ECT2: variants seen among roughly 807,000 people sequenced by gnomAD.
The protein encoded by ECT2 is protein ECT2.
A neutral mutation model predicts 116.9 loss-of-function variants in ECT2; 61 were observed. The observed-to-expected ratio is 0.52, with a 90% CI of 0.42 to 0.65. The LOEUF is 0.65. Ranked by LOEUF, ECT2 falls within the 30% of genes least tolerant of loss-of-function variation. ECT2 has a pLI of 0.00. For missense variants in ECT2, 937 were observed against 1,078.7 expected, an observed-to-expected ratio of 0.87 and a Z score of 1.84; for synonymous variants, 358 against 346.4, an observed-to-expected ratio of 1.03 and a Z score of -0.37.
At chr3:172,757,992 G>A (rs531303735) in intron 5 of ECT2, among the ~76,000 whole-genome samples, 5 of 151,996 alleles carry the variant, frequency 3.3e-5, no homozygotes, top group African/African-American at 9.7e-5. Context: ...CAAGTAGCTG[G>A]GACTGCAGGT....
rs1717946129 is a variant in ECT2, at chr3:172,760,178, A to G, written c.599A>G (p.His200Arg). ...EELVRLVTLV[H>R]HMGGVIRKDF... is the part of the protein sequence containing the mutation. Reference sequence around the variant, plus strand: ...GAGGTCAGGTTGGTGACATTGGTCCATCACATGGGTGGAGTTATTCGAAAA... The same window carrying G: ...GAGGTCAGGTTGGTGACATTGGTCCGTCACATGGGTGGAGTTATTCGAAAA... Residue 200 changes from histidine to arginine, a missense_variant, in exon 7 of 25, where the codon CAT (histidine) becomes CGT (arginine). By Grantham distance (29) the His-to-Arg change is conservative (BLOSUM62 0). Coordinates refer to ENST00000392692, the MANE Select transcript of ECT2 (RefSeq NM_001258315.2). 6.2e-7 allele frequency: 1 copy of G among 1,610,398 alleles called. No individual in the cohort carries two copies. Among genetic ancestry groups the G allele is most frequent in the Non-Finnish European group, 8.5e-7 (1 of 1,178,186 alleles).
In ECT2 at chr3:172,802,631, TAA is replaced by T. The variant is rs1409019342; in HGVS notation, c.1924_1925del (p.Lys642GlufsTer11). The T allele has an allele frequency of 6.3e-7, 1 of 1,591,192 alleles. No individual in the cohort carries two copies. The highest frequency in any genetic ancestry group is 8.6e-7 in the Non-Finnish European group (1 of 1,165,986). ...TATTTTTCAGGCATATTAATGAGGA[TAA>T]GAGAAAAACAGAAGCTCAAAAGCAA... Reference protein sequence around the residue: ...KEVMTHINEDKRKTEAQKQIF... With the variant: ...KEVMTHINEDXRKTEAQKQIF... On this transcript the variant is annotated frameshift_variant, in exon 19 of 25. Transcript: ENST00000392692. LOFTEE classifies it high-confidence loss of function.
At chr3:172,813,822 G>A (rs1254379070) in intron 22 of ECT2, among the ~76,000 whole-genome samples, 1 of 151,922 alleles carries the variant, frequency 6.6e-6, no homozygotes, top group East Asian at 1.9e-4. Context: ...TCTTCATTAA[G>A]ACTAAATCCT....
chr3:172,803,662 CAG>C (rs1229920038), intron 20 of ECT2, among the ~76,000 whole-genome samples: 1 of 152,154 alleles, frequency 6.6e-6, no homozygotes, highest in Admixed American at 6.5e-5. Context: ...TTTGATAAAA[CAG>C]ACATTAATAA....
intron 14 of ECT2, 32 bp downstream of exon 14, chr3:172,774,054 T>C: frequency 6.3e-7 from 1 of 1,592,146 alleles, no homozygotes; most frequent in Non-Finnish European, 8.6e-7. Context: ...TGGTAGTAAT[T>C]TTTTTCAGAT....
At chr3:172,771,294 A>G (rs1162644796) in intron 13 of ECT2, 1 of 152,232 alleles carries the variant, frequency 6.6e-6, no homozygotes, top group Non-Finnish European at 1.5e-5. Context: ...ACCAGCATTT[A>G]TAAAAACAGA....
intron 18 of ECT2, among the ~76,000 whole-genome samples, chr3:172,789,200 TTC>T (rs914119766): frequency 1.3e-5 from 2 of 149,708 alleles, no homozygotes; most frequent in Admixed American, 6.8e-5. Flanking sequence ...TGGTAATTGC[TTC>T]TCTCTCTCTC....
intron 17 of ECT2, 72 bp from the exon 18 acceptor site, chr3:172,786,421 G>GGACA: frequency 1.1e-6 from 1 of 935,830 alleles, no homozygotes; most frequent in Non-Finnish European, 1.7e-6. Context: ...GTATCAAGAT[G>GGACA]GACAGCATTT....
chr3:172,765,055 T>C (rs562912120), intron 12 of ECT2, among the ~76,000 whole-genome samples: 1 of 152,190 alleles, frequency 6.6e-6, no homozygotes, highest in Non-Finnish European at 1.5e-5. Flanking sequence ...TCATGACACT[T>C]TTCACTTATT....
chr3:172,756,917 TAGAG>T lies in ECT2; in HGVS notation c.304-62_304-59del, dbSNP rs913217500. ...ATTGAATTGATTGTTAAGCCTTATTTAGAGAGACAGATGGATTATTTGATATATA... is the reference window on the plus strand; with the variant it reads ...ATTGAATTGATTGTTAAGCCTTATTTAGACAGATGGATTATTTGATATATA... On this transcript the variant is annotated intron_variant, in intron 4 of 24. Coordinates refer to ENST00000392692, the MANE Select transcript of ECT2 (RefSeq NM_001258315.2). The T allele has an allele frequency of 1.9e-5, 26 of 1,363,838 alleles. No individual in the cohort carries two copies. The Admixed American group carries it at 2.6e-4, about 14-fold the overall frequency. 84.5% of individuals were successfully genotyped at this position (1,363,838 alleles called of 1,614,324 possible). A position where few individuals can be genotyped will look rare whatever the true frequency, so the allele number is the denominator to read the frequency against.
In ECT2 at chr3:172,756,931, G is replaced by T. The variant is rs962758929; in HGVS notation, c.304-52G>T. Reference sequence around the variant, plus strand: ...TAAGCCTTATTTAGAGAGACAGATGGATTATTTGATATATAAATAATTTTT... The same window carrying T: ...TAAGCCTTATTTAGAGAGACAGATGTATTATTTGATATATAAATAATTTTT... On this transcript the variant is annotated intron_variant, in intron 4 of 24. Transcript: ENST00000392692. 5.7e-6 allele frequency: 8 copies of T among 1,411,988 alleles called. No homozygotes were observed. The Admixed American group carries it at 1.8e-4, about 32-fold the overall frequency. 87.5% of individuals were successfully genotyped at this position (1,411,988 alleles called of 1,614,324 possible). A position where few individuals can be genotyped will look rare whatever the true frequency, so the allele number is the denominator to read the frequency against.
At chr3:172,818,383 C>T (rs1369347448) in intron 24 of ECT2, 2 of 323,136 alleles carry the variant, frequency 6.2e-6, no homozygotes, top group African/African-American at 4.5e-5. Context: ...CTATTGTAAA[C>T]ATTTTCATCT....
intron 22 of ECT2, among the ~76,000 whole-genome samples, chr3:172,814,969 C>T (rs1729435400): frequency 6.6e-6 from 1 of 152,180 alleles, no homozygotes; most frequent in African/African-American, 2.4e-5. Context: ...CTATCCTGTC[C>T]TCCCCAGCAT....
At chr3:172,759,542 C>T (rs1195050340) in intron 6 of ECT2, among the ~76,000 whole-genome samples, 3 of 152,060 alleles carry the variant, frequency 2.0e-5, no homozygotes, top group Non-Finnish European at 4.4e-5. Flanking sequence ...CCCAGGTTCA[C>T]ACCATTCTCT....
chr3:172,782,271 TATG>T (rs1722844051), intron 15 of ECT2, 40 bp downstream of exon 15: 1 of 1,259,228 alleles, frequency 7.9e-7, no homozygotes, highest in Non-Finnish European at 1.1e-6. Flanking sequence ...CAGATTAAAA[TATG>T]ATCTCATCAA....
intron 21 of ECT2, 47 bp downstream of exon 21, chr3:172,805,916 T>A (rs962815912): frequency 2.5e-5 from 40 of 1,573,278 alleles, no homozygotes; most frequent in Non-Finnish European, 3.4e-5. Context: ...TAGTTTATAT[T>A]CATTGTAGGT....
In ECT2 at chr3:172,784,781, C is replaced by T. The variant is rs749082819; in HGVS notation, c.1803C>T (p.Pro601=). 1.9e-6 allele frequency: 3 copies of T among 1,606,774 alleles called. No homozygotes were observed. Among genetic ancestry groups the T allele is most frequent in the South Asian group, 2.2e-5 (2 of 90,334 alleles). Residue 601 remains proline (P), a synonymous_variant, in exon 17 of 25, where the codon CCC becomes CCT. Transcript: ENST00000392692. ...ELLIRPVQRL[P]SVALLLNDLK... is the part of the protein sequence containing the mutation. The stretch of plus-strand genomic sequence containing the variant: ...TTATCCGACCAGTACAGAGGTTACC[C>T]AGTGTTGCATTACTTTTAAATGGTA...
chr3:172,757,134 C>T lies in ECT2; in HGVS notation c.455C>T (p.Pro152Leu). Residue 152 changes from proline (P) to leucine (L), a missense_variant, in exon 5 of 25, where the codon CCA becomes CTA. Pro to Leu is a moderately conservative substitution (Grantham distance 98). Coordinates refer to ENST00000392692, the MANE Select transcript of ECT2 (RefSeq NM_001258315.2). The stretch of plus-strand genomic sequence containing the variant: ...GCTGATTGTAGAGTTATTGGACCAC[C>T]AGTTGTATTAAATTGTTCACAAAAA... ...YKADCRVIGP[P>L]VVLNCSQKGE... 4 of 1,533,228 alleles carry T rather than the reference C, an allele frequency of 2.6e-6. No homozygotes were observed. The highest frequency in any genetic ancestry group is 3.5e-6 in the Non-Finnish European group (4 of 1,146,326). The allele number at this position is 1,533,228 out of a possible 1,614,324, so 95.0% of individuals were successfully genotyped here.
intron 5 of ECT2, 36 bp from the exon 6 acceptor site, chr3:172,758,944 G>C (rs781426801): frequency 6.6e-6 from 10 of 1,506,742 alleles, no homozygotes; most frequent in Non-Finnish European, 8.2e-6. Flanking sequence ...TTCTACTAAA[G>C]AGAAAGCTCA....
Sources: gnomAD v4.1 joint callset for allele counts (sites outside exome capture counted in the v4.1 genomes callset) on GRCh38, gnomAD v4.1.1 for gene constraint, MANE v1.5 for transcripts, NCBI Gene and HGNC (gene_info 2026-07-23, HGNC 2026-07-21) for gene names.